Variants in IGF2R observed in about 807,000 individuals in gnomAD.
The protein encoded by IGF2R is cation-independent mannose-6-phosphate receptor.
Under a neutral mutation model 270.6 loss-of-function variants are expected in IGF2R, and 91 were observed. That is an observed-to-expected ratio of 0.34 (90% CI 0.28 to 0.40). The LOEUF (loss-of-function observed/expected upper bound fraction) is 0.40, where lower values mean the gene tolerates loss of function less well. Ranked by LOEUF, IGF2R falls within the 10% of genes least tolerant of loss-of-function variation. The probability of loss-of-function intolerance (pLI) is 1.00; values close to 1 mark genes in which losing one functional copy is unlikely to be tolerated. For missense variants in IGF2R, 2,805 were observed against 3,188.3 expected (o/e 0.88, Z 2.90); for synonymous variants, 1,316 against 1,258.9 (o/e 1.05, Z -0.96).
chr6:160,022,087 A>G (rs183693226), intron 4 of IGF2R, among the ~76,000 whole-genome samples: 4 of 151,956 alleles, frequency 2.6e-5, no homozygotes, highest in African/African-American at 7.3e-5. Context: ...ATGAAATCCT[A>G]TGTTTTGGAG....
rs780345931 is a variant in IGF2R at position 160,075,852 on chromosome 6, C to T, written c.5172C>T (p.Ile1724=). ...KVPIDGPPID[I]GRVAGPPILN... is the part of the protein sequence containing the mutation. ...TGCCCTCGCTCTTTGTTTAGGATATCGGCCGGGTAGCAGGACCACCAATAC... is the reference window on the plus strand; with the variant it reads ...TGCCCTCGCTCTTTGTTTAGGATATTGGCCGGGTAGCAGGACCACCAATAC... The change falls in exon 36 of 48, where the codon ATC becomes ATT. Residue 1724 remains isoleucine, a synonymous_variant. Transcript: ENST00000356956. The T allele has an allele frequency of 6.8e-6, 11 of 1,613,092 alleles. No homozygotes were observed. The South Asian group carries it at 7.7e-5, about 11-fold the overall frequency.
Position 160,102,421 on chromosome 6 carries a change from T to G in IGF2R, c.6843-98T>G, listed in dbSNP as rs1779506865. On this transcript the variant is annotated intron_variant, in intron 45 of 47. Coordinates refer to ENST00000356956, the MANE Select transcript of IGF2R (RefSeq NM_000876.4). This position sits in a 1 kb window ranked among gnomAD's most constrained non-coding sequence, Gnocchi z 4.5. The stretch of plus-strand genomic sequence containing the variant: ...TAAGAATCACATGGTGTTGGGAAAG[T>G]CAGAGCTGCTCTTGCCTTGGGGACT... The G allele has an allele frequency of 7.4e-7, 1 of 1,342,740 alleles. No individual in the cohort carries two copies. Among genetic ancestry groups the G allele is most frequent in the Non-Finnish European group, 1.0e-6 (1 of 958,320 alleles). The allele number at this position is 1,342,740 out of a possible 1,614,324, so 83.2% of individuals were successfully genotyped here. A position where few individuals can be genotyped will look rare whatever the true frequency, so the allele number is the denominator to read the frequency against.
chr6:160,012,869 C>T (rs979059426), intron 4 of IGF2R, among the ~76,000 whole-genome samples: 6 of 151,026 alleles, frequency 4.0e-5, no homozygotes, highest in African/African-American at 9.8e-5. Context: ...TCAGGTGATC[C>T]GCCTGCCTCG....
At chr6:160,062,000 A>G (rs1410064752) in intron 25 of IGF2R, 72 bp downstream of exon 25, 3 of 1,416,932 alleles carry the variant, frequency 2.1e-6, no homozygotes, top group African/African-American at 2.8e-5. Context: ...GAACCTCTGA[A>G]TCTTCTATCT....
chr6:160,063,619 A>G lies in IGF2R; in HGVS notation c.3875A>G (p.His1292Arg), dbSNP rs756086081. ...CQEKREPQGF[H>R]KVAGLLTQKL... ...GAAAAGCGGGAACCGCAGGGATTTCACAAAGTGGCAGGTACCATTGTTTGT... is the reference window on the plus strand; with the variant it reads ...GAAAAGCGGGAACCGCAGGGATTTCGCAAAGTGGCAGGTACCATTGTTTGT... The change falls in exon 27 of 48, where the codon CAC becomes CGC. Residue 1292 changes from histidine (H) to arginine (R), a missense_variant. By Grantham distance (29) the His-to-Arg change is conservative. Coordinates refer to ENST00000356956, the MANE Select transcript of IGF2R (RefSeq NM_000876.4). 6 of 1,613,522 alleles carry G rather than the reference A, an allele frequency of 3.7e-6. No homozygotes were observed. The highest frequency in any genetic ancestry group is 3.3e-5 in the Admixed American group (2 of 60,028).
At chr6:159,980,195 G>GAAAGAA (rs1338853132) in intron 1 of IGF2R, among the ~76,000 whole-genome samples, 3 of 63,716 alleles carry the variant, frequency 4.7e-5, no homozygotes, top group Non-Finnish European at 8.6e-5. Context: ...AAGAAAGAAA[G>GAAAGAA]AAAGAAAGAA....
chr6:160,096,404 G>A (rs369878118), intron 44 of IGF2R, 35 bp from the exon 45 acceptor site: 42 of 1,579,684 alleles, frequency 2.7e-5, no homozygotes, highest in Non-Finnish European at 3.4e-5. Context: ...GAAAAATGAT[G>A]GTGACATGCC....
At chr6:160,056,567 T>G (rs1375969136) in intron 20 of IGF2R, 42 bp downstream of exon 20, 1 of 1,295,826 alleles carries the variant, frequency 7.7e-7, no homozygotes, top group African/African-American at 1.5e-5. Context: ...AGCTGCCTGC[T>G]GGACATCCTC....
chr6:160,078,119 G>A, intron 36 of IGF2R, 82 bp from the exon 37 acceptor site: 1 of 1,413,432 alleles, frequency 7.1e-7, no homozygotes. Context: ...GTTATGCACA[G>A]CCCCTGTAGG....
At chr6:160,043,544 C>T (rs1336253191) in intron 12 of IGF2R, among the ~76,000 whole-genome samples, 2 of 152,374 alleles carry the variant, frequency 1.3e-5, no homozygotes, top group Non-Finnish European at 2.9e-5. Context: ...GAAAATACTA[C>T]ATCATCTTTT....
At chr6:160,093,670 T>C (rs1779282258) in intron 44 of IGF2R, 2 of 751,122 alleles carry the variant, frequency 2.7e-6, no homozygotes, top group South Asian at 1.4e-5. Flanking sequence ...AAACTCTGGC[T>C]CATTTCCAAA....
intron 11 of IGF2R, among the ~76,000 whole-genome samples, chr6:160,041,871 C>T (rs1428124577): frequency 1.3e-5 from 2 of 152,190 alleles, no homozygotes; most frequent in Non-Finnish European, 2.9e-5. Flanking sequence ...GTTCTAGCTG[C>T]AGAGTTGGAG....
chr6:160,045,344 G>T (rs770869122), intron 13 of IGF2R, among the ~76,000 whole-genome samples: 5 of 152,034 alleles, frequency 3.3e-5, no homozygotes, highest in Non-Finnish European at 7.4e-5. Flanking sequence ...CAGAAGCTAG[G>T]GTCATTTTGT....
intron 1 of IGF2R, among the ~76,000 whole-genome samples, chr6:159,974,847 C>T (rs1383042158): frequency 2.0e-5 from 3 of 152,162 alleles, no homozygotes; most frequent in African/African-American, 4.8e-5. Context: ...CCTGTCTCTG[C>T]CTCTAGAAGT....
rs113773418 is a variant in IGF2R at position 160,009,167 on chromosome 6, T to TAA, written c.414+43_414+44dup. ...CACACAGGCACTTGATGTATTTCTTTAAAAAAAAAAAGGTCTGCCCCTTGG... is the reference window on the plus strand; with the variant it reads ...CACACAGGCACTTGATGTATTTCTTTAAAAAAAAAAAAAGGTCTGCCCCTTGG... On this transcript the variant is annotated intron_variant, in intron 3 of 47. Transcript: ENST00000356956. The TAA allele has an allele frequency of 2.9e-4, 351 of 1,208,870 alleles. No homozygotes were observed. In the African/African-American group the frequency reaches 3.0e-3, roughly 10 times the overall value. 74.9% of individuals were successfully genotyped at this position (1,208,870 alleles called of 1,614,324 possible). A position where few individuals can be genotyped will look rare whatever the true frequency, so the allele number is the denominator to read the frequency against.
At position 160,109,767 on chromosome 6, in the gene IGF2R, C is replaced by T. The variant is rs563152658; in HGVS notation, c.*4683C>T. ...CACATGAGGTCACTCTTCTCACCCG[C>T]CCCACCTCTGGGAGGGTGCCTGATT... On this transcript the variant is annotated 3_prime_UTR_variant, in exon 48 of 48. Transcript: ENST00000356956. 6.6e-6 allele frequency: 1 copy of T among 152,344 alleles called. No homozygotes were observed. Among genetic ancestry groups the T allele is most frequent in the African/African-American group, 2.4e-5 (1 of 41,572 alleles). 9.4% of individuals were successfully genotyped at this position (152,344 alleles called of 1,614,324 possible).
intron 39 of IGF2R, among the ~76,000 whole-genome samples, chr6:160,081,373 G>A (rs887706936): frequency 1.3e-5 from 2 of 152,172 alleles, no homozygotes; most frequent in Non-Finnish European, 2.9e-5. Context: ...TTTCAAAGGG[G>A]AGGGAGTGTA....
chr6:160,045,682 A>G (rs80120968), intron 13 of IGF2R, 63 bp from the exon 14 acceptor site: 1 of 1,593,016 alleles, frequency 6.3e-7, no homozygotes, highest in African/African-American at 1.3e-5. Flanking sequence ...GCAGAGAAGA[A>G]TGAGGTAAGA....
In IGF2R at chr6:160,011,551, GTTTTTTT is replaced by G. The variant is rs546686832; in HGVS notation, c.513+777_513+783del. Among the ~76,000 whole-genome samples the G allele has an allele frequency of 6.7e-5, 8 of 119,678 alleles. 1 individual carries two copies. In the Admixed American group the frequency reaches 7.0e-4, roughly 11 times the overall value. The allele number at this position is 119,678 out of a possible 152,430, so 78.5% of individuals were successfully genotyped here. A position where few individuals can be genotyped will look rare whatever the true frequency, so the allele number is the denominator to read the frequency against. The stretch of plus-strand genomic sequence containing the variant: ...ACATATGTGTTACCTCACATATTTC[GTTTTTTT>G]TTTTTTTTTTGTGAGGACTCTTAAA... On this transcript the variant is annotated intron_variant, in intron 4 of 47. Coordinates refer to ENST00000356956, the MANE Select transcript of IGF2R (RefSeq NM_000876.4).
Sources: gnomAD v4.1 joint callset for allele counts (sites outside exome capture counted in the v4.1 genomes callset) on GRCh38, gnomAD v4.1.1 for gene constraint, Gnocchi (gnomAD v3.1) non-coding constraint, MANE v1.5 for transcripts, NCBI Gene and HGNC (gene_info 2026-07-23, HGNC 2026-07-21) for gene names.